SREK1: variants seen among roughly 807,000 people sequenced by gnomAD.
SREK1 encodes the protein splicing regulatory glutamine/lysine-rich protein 1.
Under a neutral mutation model 66.5 loss-of-function variants are expected in SREK1, and 13 were observed. The observed-to-expected ratio is 0.20, with a 90% CI of 0.13 to 0.31. The LOEUF (loss-of-function observed/expected upper bound fraction) is 0.31. Ranked by LOEUF, SREK1 falls within the 10% of genes least tolerant of loss-of-function variation. The pLI is 1.00. For synonymous variants in SREK1, 265 were observed against 263.5 expected (o/e 1.01, Z -0.05); for missense variants, 607 against 769.6 (o/e 0.79, Z 2.50).
intron 3 of SREK1, 93 bp from the exon 4 acceptor site, chr5:66,162,016 G>C: frequency 1.4e-6 from 2 of 1,437,942 alleles, no homozygotes; most frequent in Admixed American, 2.4e-5. Flanking sequence ...CATTCTTGTT[G>C]AGTTAGTTCA....
chr5:66,176,358 G>A (rs1463877445), intron 10 of SREK1, among the ~76,000 whole-genome samples: 1 of 152,062 alleles, frequency 6.6e-6, no homozygotes, highest in African/African-American at 2.4e-5. Context: ...ATTTGGCAAG[G>A]CCTGTTCTCT....
At chr5:66,162,767 C>A in intron 5 of SREK1, 175 bp downstream of exon 5, 1 of 557,074 alleles carries the variant, frequency 1.8e-6, no homozygotes, top group African/African-American at 1.9e-5. Context: ...CTTTAAATTC[C>A]TTTATTTAGA....
chr5:66,166,412 A>C (rs1745175681), intron 7 of SREK1: 1 of 152,196 alleles, frequency 6.6e-6, no homozygotes, highest in Non-Finnish European at 1.5e-5. Context: ...TTATGTAGAT[A>C]TGTCTATACA....
intron 1 of SREK1, among the ~76,000 whole-genome samples, chr5:66,146,682 G>C (rs946684266): frequency 6.6e-6 from 1 of 151,544 alleles, no homozygotes; most frequent in African/African-American, 2.4e-5. Flanking sequence ...AGTTGTCATT[G>C]CCTGGTCCTT....
chr5:66,166,128 A>C (rs1745155371), intron 7 of SREK1: 1 of 152,320 alleles, frequency 6.6e-6, no homozygotes, highest in African/African-American at 2.4e-5. Context: ...GGCCAGAATC[A>C]GGAAAGGACA....
intron 1 of SREK1, among the ~76,000 whole-genome samples, chr5:66,149,404 G>A (rs27584): frequency 0.32 from 48,307 of 151,846 alleles, 9,062 homozygotes; most frequent in African/African-American, 0.51. Flanking sequence ...TGGAGTAGCC[G>A]TACCTAATAT....
chr5:66,171,963 C>G (rs1014849624), intron 9 of SREK1, among the ~76,000 whole-genome samples: 11 of 152,136 alleles, frequency 7.2e-5, no homozygotes, highest in African/African-American at 2.7e-4. Flanking sequence ...TAGCCCTTTT[C>G]CTTTATTTTA....
intron 2 of SREK1, among the ~76,000 whole-genome samples, chr5:66,154,334 A>G (rs1257415142): frequency 6.6e-6 from 1 of 152,206 alleles, no homozygotes; most frequent in South Asian, 2.1e-4. Flanking sequence ...ACTCACGTAT[A>G]ATAGACTGTG....
rs550253518 is a variant in SREK1 at position 66,172,313 on chromosome 5, A to G, written c.1484+1366A>G. On this transcript the variant is annotated intron_variant, in intron 9 of 11. Transcript: ENST00000334121. ...TAACGAATTTACTTTTTTTGATGAC[A>G]TGGGAATGTTTAACTTTTTCTCGGG... Among the ~76,000 whole-genome samples, 11 of 152,272 alleles carry G rather than the reference A, an allele frequency of 7.2e-5. 1 individual carries two copies. Among genetic ancestry groups the G allele is most frequent in the African/African-American group, 2.2e-4 (9 of 41,566 alleles).
intron 7 of SREK1, chr5:66,167,311 A>T (rs1745255204): frequency 6.6e-6 from 1 of 152,192 alleles, no homozygotes; most frequent in South Asian, 2.1e-4. Context: ...CATAGAAAAG[A>T]TGGATAGTAC....
At position 66,180,496 on chromosome 5, in the gene SREK1, T is replaced by C. The variant is rs1182892365; in HGVS notation, c.*1628T>C. 1 of 152,576 alleles carries C rather than the reference T, an allele frequency of 6.6e-6. No individual in the cohort carries two copies. Among genetic ancestry groups the C allele is most frequent in the Non-Finnish European group, 1.5e-5 (1 of 67,986 alleles). 9.5% of individuals were successfully genotyped at this position (152,576 alleles called of 1,614,324 possible). ...TTTAATGTTAATAAGATTGAAACTT[T>C]AGTATTTAGTGGGGAATGGAAAGAG... On this transcript the variant is annotated 3_prime_UTR_variant, in exon 12 of 12. Transcript: ENST00000334121.
chr5:66,156,357 G>A, intron 2 of SREK1: 1 of 1,240,318 alleles, frequency 8.1e-7, no homozygotes, highest in Non-Finnish European at 1.0e-6. Context: ...TTTCATTAAG[G>A]GTTCATAACG....
At chr5:66,160,048 T>A (rs546073743) in intron 3 of SREK1, among the ~76,000 whole-genome samples, 2 of 151,768 alleles carry the variant, frequency 1.3e-5, no homozygotes, top group Non-Finnish European at 2.9e-5. Flanking sequence ...GAGAATGGCG[T>A]GAGCCTGGGA....
intron 2 of SREK1, 25 bp downstream of exon 2, chr5:66,153,621 T>C: frequency 1.2e-6 from 2 of 1,613,860 alleles, no homozygotes; most frequent in African/African-American, 2.7e-5. Context: ...TTTTTTCCTC[T>C]TATTTGAATT....
At position 66,179,600 on chromosome 5, in the gene SREK1, A is replaced by G. The variant is rs767567022; in HGVS notation, c.*732A>G. The G allele has an allele frequency of 3.3e-5, 5 of 152,550 alleles. No individual in the cohort carries two copies. Among genetic ancestry groups the G allele is most frequent in the Non-Finnish European group, 7.4e-5 (5 of 67,972 alleles). The allele number at this position is 152,550 out of a possible 1,614,324, so 9.4% of individuals were successfully genotyped here. A position where few individuals can be genotyped will look rare whatever the true frequency, so the allele number is the denominator to read the frequency against. ...GTGTTTAGAATCATTGGGACTACCC[A>G]CAAAGTGAGCATTTCTTTTTAAATT... On this transcript the variant is annotated 3_prime_UTR_variant, in exon 12 of 12. Transcript: ENST00000334121.
At chr5:66,170,019 GT>G (rs1745496101) in intron 7 of SREK1, 31 bp from the exon 8 acceptor site, 2 of 1,470,950 alleles carry the variant, frequency 1.4e-6, no homozygotes, top group African/African-American at 2.9e-5. Flanking sequence ...CGTAAATTAA[GT>G]TTTGATATTC....
rs1283035789 is a variant in SREK1, at chr5:66,183,136, T to C, written c.*4268T>C. On this transcript the variant is annotated 3_prime_UTR_variant, in exon 12 of 12. Coordinates refer to ENST00000334121, the MANE Select transcript of SREK1 (RefSeq NM_001077199.3). Reference sequence around the variant, plus strand: ...GCCAACTTTTGGGAGATTTCACATATTTTACCTCTATATTTTATTTTTCCA... The same window carrying C: ...GCCAACTTTTGGGAGATTTCACATACTTTACCTCTATATTTTATTTTTCCA... 1.3e-5 allele frequency: 2 copies of C among 152,180 alleles called. No individual in the cohort carries two copies. The highest frequency in any genetic ancestry group is 2.9e-5 in the Non-Finnish European group (2 of 68,026). 9.4% of individuals were successfully genotyped at this position (152,180 alleles called of 1,614,324 possible).
At chr5:66,156,245 C>G (rs1050609676) in intron 2 of SREK1, 1 of 1,298,248 alleles carries the variant, frequency 7.7e-7, no homozygotes, top group Non-Finnish European at 9.7e-7. Flanking sequence ...ATTTCTTTTT[C>G]TTTATTTTGT....
chr5:66,168,084 A>G (rs1214572580), intron 7 of SREK1: 1 of 151,844 alleles, frequency 6.6e-6, no homozygotes, highest in Non-Finnish European at 1.5e-5. Flanking sequence ...TTGGAAAAAA[A>G]TAAAATAAAA....
Sources: gnomAD v4.1 joint callset for allele counts (sites outside exome capture counted in the v4.1 genomes callset) on GRCh38, gnomAD v4.1.1 for gene constraint, MANE v1.5 for transcripts, NCBI Gene and HGNC (gene_info 2026-07-23, HGNC 2026-07-21) for gene names.